Variants in PIK3C2G observed in about 807,000 individuals in gnomAD.
PIK3C2G encodes phosphatidylinositol-4-phosphate 3-kinase catalytic subunit type 2 gamma.
Under a neutral mutation model 181.1 loss-of-function variants are expected in PIK3C2G, and 168 were observed. The observed-to-expected ratio is 0.93, with a 90% CI of 0.82 to 1.05. PIK3C2G has a LOEUF of 1.05. Among genes scored for constraint, PIK3C2G ranks in the 50% least tolerant of loss-of-function variants. PIK3C2G has a pLI of 0.00. For missense variants in PIK3C2G, 1,869 were observed against 1,732.8 expected (o/e 1.08, Z -1.40); for synonymous variants, 573 against 592.2 (o/e 0.97, Z 0.47).
At position 18,546,314 on chromosome 12, in the gene PIK3C2G, G is replaced by T. The variant is rs754968595; in HGVS notation, c.3481-9G>T. The T allele has an allele frequency of 2.1e-6, 3 of 1,453,658 alleles. No homozygotes were observed. The highest frequency in any genetic ancestry group is 2.9e-6 in the Non-Finnish European group (3 of 1,044,402). 90.0% of individuals were successfully genotyped at this position (1,453,658 alleles called of 1,614,324 possible). A position where few individuals can be genotyped will look rare whatever the true frequency, so the allele number is the denominator to read the frequency against. ...TCTTTTTGCTTTGCTTGTTCTTGTTGTGGTTAAGATGCTGTATGCAGGACT... is the reference window on the plus strand; with the variant it reads ...TCTTTTTGCTTTGCTTGTTCTTGTTTTGGTTAAGATGCTGTATGCAGGACT... On this transcript the variant is annotated splice_polypyrimidine_tract_variant and intron_variant, in intron 25 of 32. Coordinates refer to ENST00000538779, the MANE Select transcript of PIK3C2G (RefSeq NM_001288772.2).
At chr12:18,595,456 G>C (rs185625536) in intron 30 of PIK3C2G, among the ~76,000 whole-genome samples, 1 of 152,114 alleles carries the variant, frequency 6.6e-6, no homozygotes, top group African/African-American at 2.4e-5. Context: ...GTGGATTCCA[G>C]ATACCTGTGT....
intron 7 of PIK3C2G, 125 bp downstream of exon 7, chr12:18,321,157 T>C: frequency 1.7e-6 from 1 of 578,482 alleles, no homozygotes; most frequent in Non-Finnish European, 3.1e-6. Context: ...TATTGTACTT[T>C]TAACAGGCAA....
At chr12:18,368,047 C>G (rs958624057) in intron 12 of PIK3C2G, among the ~76,000 whole-genome samples, 6 of 152,112 alleles carry the variant, frequency 3.9e-5, no homozygotes, top group Admixed American at 3.3e-4. Flanking sequence ...AGAACTCACT[C>G]ACTATCATGA....
chr12:18,371,395 T>A, intron 13 of PIK3C2G, 84 bp downstream of exon 13: 1 of 1,122,438 alleles, frequency 8.9e-7, no homozygotes, highest in Non-Finnish European at 1.2e-6. Flanking sequence ...TATGGCATAA[T>A]GAGGAAATCA....
chr12:18,244,486 G>C (rs1300396381), upstream of PIK3C2G, among the ~76,000 whole-genome samples: 1 of 151,968 alleles, frequency 6.6e-6, no homozygotes, highest in Non-Finnish European at 1.5e-5. Context: ...GTAGAATTCT[G>C]AGCTTATCTC....
At chr12:18,258,117 T>C (rs1423740663), upstream of PIK3C2G, among the ~76,000 whole-genome samples, 1 of 152,138 alleles carries the variant, frequency 6.6e-6, no homozygotes, top group Non-Finnish European at 1.5e-5. Flanking sequence ...CATATATTAT[T>C]AAAGCCTTAT....
intron 1 of PIK3C2G, among the ~76,000 whole-genome samples, chr12:18,275,081 A>T (rs1225967655): frequency 6.6e-6 from 1 of 152,170 alleles, no homozygotes; most frequent in African/African-American, 2.4e-5. Flanking sequence ...ATGTTTCCTG[A>T]GTTCCGGGGT....
Position 18,547,643 on chromosome 12 carries a change from C to CAAAAAAA in PIK3C2G, c.3590+1216_3590+1217insAAAAAAA, listed in dbSNP as rs1431105287. 8.0e-5 allele frequency among the ~76,000 whole-genome samples: 9 copies of CAAAAAAA among 112,836 alleles called. No individual in the cohort carries two copies. The East Asian group carries it at 2.3e-3, about 29-fold the overall frequency. 74.0% of individuals were successfully genotyped at this position (112,836 alleles called of 152,430 possible). On this transcript the variant is annotated intron_variant, in intron 26 of 32. Coordinates refer to ENST00000538779, the MANE Select transcript of PIK3C2G (RefSeq NM_001288772.2). ...TATGGAACTCCAGGAAGAGTTGTTG[C>CAAAAAAA]AAAAACAAAACAAAACAAAACAAAA...
chr12:18,524,158 C>G (rs1412935789), intron 24 of PIK3C2G, among the ~76,000 whole-genome samples: 1 of 152,116 alleles, frequency 6.6e-6, no homozygotes, highest in East Asian at 1.9e-4. Flanking sequence ...GAGCCTCCTG[C>G]AAAGGGTCCC....
At chr12:18,389,771 A>T (rs1943423471) in intron 14 of PIK3C2G, among the ~76,000 whole-genome samples, 1 of 152,204 alleles carries the variant, frequency 6.6e-6, no homozygotes, top group South Asian at 2.1e-4. Context: ...GATCTCACGT[A>T]TCAGAAATGA....
chr12:18,661,285 A>G, the PIK3C2G span, among the ~76,000 whole-genome samples: 1 of 152,246 alleles, frequency 6.6e-6, no homozygotes, highest in African/African-American at 2.4e-5. Context: ...CAAGAATTAT[A>G]AACATCCAAG....
chr12:18,493,400 T>A (rs1173021792), intron 20 of PIK3C2G: 1 of 152,234 alleles, frequency 6.6e-6, no homozygotes, highest in Non-Finnish European at 1.5e-5. Context: ...TGTCAGAGAG[T>A]TCACACCTGC....
chr12:18,435,982 C>A (rs1381222835), intron 18 of PIK3C2G, among the ~76,000 whole-genome samples: 1 of 150,162 alleles, frequency 6.7e-6, no homozygotes, highest in Admixed American at 6.6e-5. Flanking sequence ...AAAAAAAAAA[C>A]CCTGATTCAA....
chr12:18,602,074 G>C (rs555796123), intron 30 of PIK3C2G, among the ~76,000 whole-genome samples: 7 of 152,268 alleles, frequency 4.6e-5, no homozygotes, highest in African/African-American at 1.7e-4. Context: ...CCGGCTTGGA[G>C]ACTTCACAGG....
chr12:18,401,252 T>C (rs1285777136), intron 16 of PIK3C2G, among the ~76,000 whole-genome samples: 1 of 152,178 alleles, frequency 6.6e-6, no homozygotes, highest in Non-Finnish European at 1.5e-5. Context: ...TTTGAGGATA[T>C]TATCATTATT....
In PIK3C2G at chr12:18,609,526, T is replaced by C. The variant is rs1300946073; in HGVS notation, c.4088-9T>C. 3 of 1,537,860 alleles carry C rather than the reference T, an allele frequency of 2.0e-6. No individual in the cohort carries two copies. Among genetic ancestry groups the C allele is most frequent in the Non-Finnish European group, 2.7e-6 (3 of 1,126,918 alleles). On this transcript the variant is annotated splice_polypyrimidine_tract_variant and intron_variant, in intron 30 of 32. Coordinates refer to ENST00000538779, the MANE Select transcript of PIK3C2G (RefSeq NM_001288772.2). ...AACTGAACTCACTGAAATTCTATTC[T>C]TTTATCAGGTGAGAAGTTTCCAGAC...
intron 31 of PIK3C2G, among the ~76,000 whole-genome samples, chr12:18,623,993 ACTT>A (rs1344083850): frequency 6.6e-6 from 1 of 151,762 alleles, no homozygotes; most frequent in Non-Finnish European, 1.5e-5. Flanking sequence ...AGATGATTTA[ACTT>A]CTTCTTTTCC....
At chr12:18,278,362 A>G (rs758772683) in intron 1 of PIK3C2G, among the ~76,000 whole-genome samples, 2 of 152,208 alleles carry the variant, frequency 1.3e-5, no homozygotes, top group Non-Finnish European at 2.9e-5. Flanking sequence ...TTTAATCCAC[A>G]TATCACAGCA....
chr12:18,500,341 C>T (rs1029205118), intron 22 of PIK3C2G, among the ~76,000 whole-genome samples: 2 of 152,186 alleles, frequency 1.3e-5, no homozygotes, highest in Admixed American at 6.5e-5. Context: ...GGCCCACCAG[C>T]GCTGCGCTGG....
Sources: allele counts gnomAD v4.1 joint callset (sites outside exome capture counted in the v4.1 genomes callset), GRCh38; gene constraint gnomAD v4.1.1; transcripts MANE v1.5; gene names NCBI Gene and HGNC (gene_info 2026-07-23, HGNC 2026-07-21).